The following CCDC171 variants were observed in gnomAD, a reference collection of about 807,000 sequenced individuals.
The protein encoded by CCDC171 is coiled-coil domain containing 171, also known as coiled-coil domain-containing protein 171.
CCDC171 carries 177 observed loss-of-function variants against 168.2 expected under a neutral mutation model. The observed-to-expected ratio is 1.05, with a 90% CI of 0.93 to 1.19. The LOEUF (loss-of-function observed/expected upper bound fraction) is 1.19. Ranked by LOEUF, CCDC171 falls within the 50% of genes most tolerant of loss-of-function variation. The probability of loss-of-function intolerance (pLI) is 0.00; values close to 1 mark genes in which losing one functional copy is unlikely to be tolerated. For missense variants in CCDC171, 1,991 were observed against 1,539.0 expected (o/e 1.29, Z -4.91); for synonymous variants, 687 against 540.8 (o/e 1.27, Z -3.75).
At chr9:16,066,167 C>T (rs1436350925), downstream of CCDC171, among the ~76,000 whole-genome samples, 1 of 152,168 alleles carries the variant, frequency 6.6e-6, no homozygotes, top group South Asian at 2.1e-4. Flanking sequence ...AGACTAACCT[C>T]TTCTCGGTCA....
In CCDC171 at chr9:15,678,327, A is replaced by C. The variant is rs1269374701; in HGVS notation, c.1077-431A>C. Among the ~76,000 whole-genome samples the C allele has an allele frequency of 4.6e-5, 7 of 152,006 alleles. No homozygotes were observed. The East Asian group carries it at 1.2e-3, about 25-fold the overall frequency. On this transcript the variant is annotated intron_variant, in intron 9 of 25. Transcript: ENST00000380701. ...CCTTTTGGATTTTCCATGCCACCACACTGGTTCTACTTGCATGGACATTCA... is the reference window on the plus strand; with the variant it reads ...CCTTTTGGATTTTCCATGCCACCACCCTGGTTCTACTTGCATGGACATTCA...
intron 25 of CCDC171, among the ~76,000 whole-genome samples, chr9:15,921,315 GTAACC>G (rs1825300007): frequency 6.6e-6 from 1 of 151,580 alleles, no homozygotes; most frequent in Admixed American, 6.6e-5. Flanking sequence ...TAAATCCTTT[GTAACC>G]AGGGTATTCA....
At chr9:16,006,919 T>A (rs1832715680) in intron 3 of CCDC171, among the ~76,000 whole-genome samples, 1 of 152,212 alleles carries the variant, frequency 6.6e-6, no homozygotes, top group Non-Finnish European at 1.5e-5. Context: ...TATAGCAGCA[T>A]GATTTATAGT....
At chr9:15,804,098 T>A (rs540359889) in intron 21 of CCDC171, among the ~76,000 whole-genome samples, 9 of 152,318 alleles carry the variant, frequency 5.9e-5, no homozygotes, top group African/African-American at 2.2e-4. Context: ...GAGACTTTGC[T>A]GAAGTTGCTT....
chr9:16,031,426 A>G (rs962942324), intron 6 of CCDC171, among the ~76,000 whole-genome samples: 7 of 152,214 alleles, frequency 4.6e-5, no homozygotes, highest in Non-Finnish European at 7.3e-5. Flanking sequence ...ATATATACCA[A>G]CCAGCAGATA....
At chr9:15,617,961 C>T (rs1326212248) in intron 6 of CCDC171, among the ~76,000 whole-genome samples, 1 of 152,160 alleles carries the variant, frequency 6.6e-6, no homozygotes, top group African/African-American at 2.4e-5. Context: ...TGGGAGGTCT[C>T]TCCCAGTCAG....
rs559276186 is a variant in CCDC171, at chr9:15,946,344, G to C, written c.3754-25265G>C. Among the ~76,000 whole-genome samples the C allele has an allele frequency of 2.6e-5, 4 of 152,024 alleles. No homozygotes were observed. The East Asian group carries it at 5.9e-4, about 22-fold the overall frequency. ...AAGTCTCAGGATACAAAATCAATGTGCAAAAATCACAAGCGTTCTTATACA... is the reference window on the plus strand; with the variant it reads ...AAGTCTCAGGATACAAAATCAATGTCCAAAAATCACAAGCGTTCTTATACA... On this transcript the variant is annotated intron_variant, in intron 25 of 25. Coordinates refer to ENST00000380701, the MANE Select transcript of CCDC171 (RefSeq NM_173550.4).
chr9:16,079,309 CA>C, the CCDC171 span, among the ~76,000 whole-genome samples: 1 of 152,154 alleles, frequency 6.6e-6, no homozygotes, highest in African/African-American at 2.4e-5. Context: ...TCCTAACTAC[CA>C]GTACATAGAA....
chr9:15,958,291 T>G (rs942493527), intron 25 of CCDC171, among the ~76,000 whole-genome samples: 5 of 152,086 alleles, frequency 3.3e-5, no homozygotes, highest in African/African-American at 1.2e-4. Flanking sequence ...TAGAACTTAC[T>G]GTGATGATAG....
chr9:15,940,389 A>G (rs1020208293), intron 25 of CCDC171, among the ~76,000 whole-genome samples: 2 of 151,836 alleles, frequency 1.3e-5, no homozygotes, highest in Admixed American at 6.6e-5. Flanking sequence ...TTTTCCAGGA[A>G]ATTACCAGTT....
intron 18 of CCDC171, among the ~76,000 whole-genome samples, chr9:15,763,579 T>TG (rs2056566438): frequency 6.6e-6 from 1 of 152,178 alleles, no homozygotes; most frequent in South Asian, 2.1e-4. Flanking sequence ...ACTCCAGAAA[T>TG]GCCAAGGTTT....
intron 24 of CCDC171, among the ~76,000 whole-genome samples, chr9:15,878,302 G>C (rs1818133211): frequency 6.6e-6 from 1 of 151,980 alleles, no homozygotes; most frequent in Non-Finnish European, 1.5e-5. Flanking sequence ...CCATTAAAAA[G>C]TGGGCACAGG....
intron 3 of CCDC171, among the ~76,000 whole-genome samples, chr9:16,005,533 G>A (rs139910346): frequency 1.1e-4 from 17 of 152,230 alleles, no homozygotes; most frequent in Admixed American, 4.6e-4. Context: ...CAGGTTCTAC[G>A]TCTGTGGATT....
At chr9:16,094,293 C>G in the CCDC171 span, among the ~76,000 whole-genome samples, 1 of 152,208 alleles carries the variant, frequency 6.6e-6, no homozygotes, top group Non-Finnish European at 1.5e-5. Context: ...ACAATGTTGA[C>G]TCTAGTGGTC....
chr9:16,059,114 A>T (rs541502291), intron 1 of CCDC171, among the ~76,000 whole-genome samples: 1 of 152,310 alleles, frequency 6.6e-6, no homozygotes, highest in East Asian at 1.9e-4. Flanking sequence ...CACCCGAGAC[A>T]GTGTCTGATG....
At chr9:15,695,412 T>G in intron 11 of CCDC171, 75 bp downstream of exon 11, 1 of 1,028,272 alleles carries the variant, frequency 9.7e-7, no homozygotes, top group Non-Finnish European at 1.5e-6. Context: ...ATTCTGCAGA[T>G]GCCTCTTGTA....
At chr9:15,865,792 A>G (rs963476448) in intron 23 of CCDC171, among the ~76,000 whole-genome samples, 2 of 150,358 alleles carry the variant, frequency 1.3e-5, no homozygotes, top group African/African-American at 4.9e-5. Context: ...TGGATTTTCA[A>G]CTCTGTGGGG....
At chr9:15,597,906 C>T (rs1344387248) in intron 6 of CCDC171, among the ~76,000 whole-genome samples, 75 of 152,240 alleles carry the variant, frequency 4.9e-4, no homozygotes, top group Non-Finnish European at 2.9e-5. Flanking sequence ...TCTTCCATTT[C>T]TTCTAGATTT....
intron 24 of CCDC171, among the ~76,000 whole-genome samples, chr9:15,913,529 T>G (rs148973337): frequency 1.5e-3 from 234 of 152,322 alleles, no homozygotes; most frequent in Middle Eastern, 6.8e-3. Context: ...TCTATCTCCT[T>G]CAGTTCTGCC....
Sources: allele counts gnomAD v4.1 joint callset (sites outside exome capture counted in the v4.1 genomes callset), GRCh38; gene constraint gnomAD v4.1.1; transcripts MANE v1.5; gene names NCBI Gene and HGNC (gene_info 2026-07-23, HGNC 2026-07-21).